COG5: variants seen among roughly 807,000 people sequenced by gnomAD.
The protein encoded by COG5 is component of oligomeric golgi complex 5, also known as conserved oligomeric Golgi complex subunit 5.
Under a neutral mutation model 110.4 loss-of-function variants are expected in COG5, and 86 were observed. That is an observed-to-expected ratio of 0.78 (90% CI 0.65 to 0.93). COG5 has a LOEUF of 0.93. COG5 is among the 40% of genes least tolerant of loss of function. The probability of loss-of-function intolerance (pLI) is 0.00; values close to 1 mark genes in which losing one functional copy is unlikely to be tolerated. For missense variants in COG5, 1,077 were observed against 987.0 expected (o/e 1.09, Z -1.22); for synonymous variants, 360 against 334.6 (o/e 1.08, Z -0.83).
intron 10 of COG5, among the ~76,000 whole-genome samples, chr7:107,331,655 G>T (rs1810259262): frequency 6.6e-6 from 1 of 151,922 alleles, no homozygotes; most frequent in South Asian, 2.1e-4. Context: ...CAACTTGATG[G>T]GCCAGAAGAT....
chr7:107,268,032 A>C (rs1351359723), intron 14 of COG5, among the ~76,000 whole-genome samples: 1 of 152,216 alleles, frequency 6.6e-6, no homozygotes, highest in Non-Finnish European at 1.5e-5. Context: ...GCAATGGCAC[A>C]ATCTCGGCTC....
chr7:107,311,880 AG>A (rs1808304630), intron 11 of COG5, among the ~76,000 whole-genome samples: 1 of 151,882 alleles, frequency 6.6e-6, no homozygotes, highest in Non-Finnish European at 1.5e-5. Flanking sequence ...CAAATCATCA[AG>A]GTTTTCATCA....
At chr7:107,485,813 C>T (rs973372383) in intron 6 of COG5, among the ~76,000 whole-genome samples, 2 of 152,054 alleles carry the variant, frequency 1.3e-5, no homozygotes, top group Admixed American at 1.3e-4. Context: ...ACATCAATGT[C>T]ACAAAGCAAA....
intron 3 of COG5, 62 bp from the exon 4 acceptor site, chr7:107,548,394 G>C: frequency 6.8e-7 from 1 of 1,460,114 alleles, no homozygotes. Context: ...TGGGTAAATA[G>C]TTAAATTAAA....
Position 107,203,617 on chromosome 7 carries a change from C to T in COG5, c.2389G>A (p.Ala797Thr), listed in dbSNP as rs1798525459. Residue 797 changes from alanine to threonine, a missense_variant, in exon 22 of 22, where the codon GCT becomes ACT. Ala to Thr is a moderately conservative substitution (Grantham distance 58). Transcript: ENST00000297135. ...CTACTTCTCACTGATTGAACATAAG[C>T]TTCCAGGGCTCCCCTGAAAACCAAA... ...RLLLIRGALE[A>T]YVQSVRSREG... The T allele has an allele frequency of 6.2e-7, 1 of 1,613,052 alleles. No individual in the cohort carries two copies. Among genetic ancestry groups the T allele is most frequent in the African/African-American group, 1.3e-5 (1 of 74,932 alleles).
chr7:107,563,800 T>C lies in COG5; in HGVS notation c.94+3A>G, dbSNP rs374535796. 20 of 1,613,728 alleles carry C rather than the reference T, an allele frequency of 1.2e-5. No homozygotes were observed. Among genetic ancestry groups the C allele is most frequent in the Non-Finnish European group, 1.4e-5 (17 of 1,179,858 alleles). ...ACGACCTGGTCAGACCCCGTCTCCT[T>C]ACCGTCCTGCAGAAGTTCCCGGACT... On this transcript the variant is annotated splice_donor_region_variant and intron_variant, in intron 1 of 21. Transcript: ENST00000297135.
intron 6 of COG5, among the ~76,000 whole-genome samples, chr7:107,460,609 T>C (rs924072631): frequency 1.3e-5 from 2 of 150,586 alleles, no homozygotes; most frequent in East Asian, 3.9e-4. Context: ...TACTAAAGAG[T>C]AGAAATCAAT....
At chr7:107,245,894 C>T (rs1401786019) in intron 17 of COG5, among the ~76,000 whole-genome samples, 1 of 152,084 alleles carries the variant, frequency 6.6e-6, no homozygotes, top group Non-Finnish European at 1.5e-5. Flanking sequence ...CAAAAAAGAG[C>T]CTGAATAGCC....
At chr7:107,386,158 T>C (rs550231128) in intron 7 of COG5, among the ~76,000 whole-genome samples, 2 of 150,076 alleles carry the variant, frequency 1.3e-5, no homozygotes, top group Admixed American at 6.8e-5. Flanking sequence ...CTTTGAGCTA[T>C]AGCAAGGGTA....
At chr7:107,506,620 G>A (rs978013322) in intron 6 of COG5, among the ~76,000 whole-genome samples, 2 of 152,056 alleles carry the variant, frequency 1.3e-5, no homozygotes, top group African/African-American at 2.4e-5. Context: ...CGCATACTTC[G>A]CAAGGCAGAT....
At chr7:107,476,819 CAAT>C (rs1797024582) in intron 6 of COG5, among the ~76,000 whole-genome samples, 1 of 151,494 alleles carries the variant, frequency 6.6e-6, no homozygotes, top group Non-Finnish European at 1.5e-5. Context: ...TCTAAAAATT[CAAT>C]AATATATCAC....
intron 12 of COG5, among the ~76,000 whole-genome samples, chr7:107,284,583 T>A (rs1805473884): frequency 6.6e-6 from 1 of 152,180 alleles, no homozygotes; most frequent in Non-Finnish European, 1.5e-5. Context: ...AGTCCTAAAA[T>A]CACGTAAATA....
At chr7:107,414,820 G>A (rs1202518146) in intron 6 of COG5, among the ~76,000 whole-genome samples, 2 of 142,744 alleles carry the variant, frequency 1.4e-5, no homozygotes, top group African/African-American at 5.2e-5. Context: ...TCCGCCCGCT[G>A]GGTTCAAAGT....
chr7:107,445,486 A>C (rs575132307), intron 6 of COG5, among the ~76,000 whole-genome samples: 2 of 152,242 alleles, frequency 1.3e-5, no homozygotes, highest in Non-Finnish European at 2.9e-5. Flanking sequence ...TCTTCAACAC[A>C]TAAGAGACTA....
rs142980954 is a variant in COG5, at chr7:107,434,902, G to A, written c.539-22270C>T. On this transcript the variant is annotated intron_variant, in intron 6 of 21. Coordinates refer to ENST00000297135, the MANE Select transcript of COG5 (RefSeq NM_006348.5). ...GGAGAATCGCTTGAACCTGGGAGGC[G>A]GAGATTGCAGTGAGCTGAGATCATG... 7.0e-3 allele frequency among the ~76,000 whole-genome samples: 1,070 copies of A among 151,830 alleles called. 16 individuals carry two copies. Among genetic ancestry groups the A allele is most frequent in the African/African-American group, 0.023 (961 of 41,422 alleles).
In COG5 at chr7:107,298,290, A is replaced by G. The variant is rs1311216125; in HGVS notation, c.1165T>C (p.Tyr389His). The G allele has an allele frequency of 6.2e-7, 1 of 1,613,718 alleles. No individual in the cohort carries two copies. Among genetic ancestry groups the G allele is most frequent in the Admixed American group, 1.7e-5 (1 of 60,018 alleles). ...TGAAGACGCTTCCATAAGTCATTATAAAGACGTAATAATTTAGGGTATTCT... is the reference window on the plus strand; with the variant it reads ...TGAAGACGCTTCCATAAGTCATTATGAAGACGTAATAATTTAGGGTATTCT... ...EGEYPKLLRL[Y>H]NDLWKRLQQY... The change falls in exon 12 of 22, where the codon TAT (tyrosine) becomes CAT (histidine). Residue 389 changes from tyrosine to histidine, a missense_variant. Physicochemically the swap from Tyr to His is moderately conservative, Grantham distance 83. Coordinates refer to ENST00000297135, the MANE Select transcript of COG5 (RefSeq NM_006348.5).
chr7:107,297,819 G>A (rs1806890042), intron 12 of COG5, among the ~76,000 whole-genome samples: 1 of 152,028 alleles, frequency 6.6e-6, no homozygotes, highest in South Asian at 2.1e-4. Flanking sequence ...AAATGATACT[G>A]TCTGAGGTAA....
At chr7:107,393,957 T>C (rs190857309) in intron 7 of COG5, among the ~76,000 whole-genome samples, 96 of 148,290 alleles carry the variant, frequency 6.5e-4, no homozygotes, top group African/African-American at 2.2e-3. Context: ...GTAGAAAAGA[T>C]ATTTATTATT....
At chr7:107,319,677 A>G (rs945838872) in intron 11 of COG5, among the ~76,000 whole-genome samples, 1 of 152,242 alleles carries the variant, frequency 6.6e-6, no homozygotes, top group Admixed American at 6.5e-5. Flanking sequence ...GTAGGGAAGT[A>G]AAAGTCCATT....
Sources: allele counts gnomAD v4.1 joint callset (sites outside exome capture counted in the v4.1 genomes callset), GRCh38; gene constraint gnomAD v4.1.1; transcripts MANE v1.5; gene names NCBI Gene and HGNC (gene_info 2026-07-23, HGNC 2026-07-21).